The following WDR47 variants were observed in gnomAD, a reference collection of about 807,000 sequenced individuals.
WDR47 encodes WD repeat-containing protein 47.
WDR47 carries 32 observed loss-of-function variants against 97.2 expected under a neutral mutation model. The observed-to-expected ratio is 0.33, with a 90% confidence interval of 0.25 to 0.44. The LOEUF (loss-of-function observed/expected upper bound fraction) is 0.44. Among genes scored for constraint, WDR47 ranks in the 20% least tolerant of loss-of-function variants. The pLI is 1.00. For synonymous variants in WDR47, 375 were observed against 373.5 expected, an observed-to-expected ratio of 1.00 and a Z score of -0.05; for missense variants, 782 against 1,102.3, an observed-to-expected ratio of 0.71 and a Z score of 4.11.
In WDR47 at chr1:109,013,861, C is replaced by T. The variant is rs757349144; in HGVS notation, c.307G>A (p.Ala103Thr). 1.9e-6 allele frequency: 3 copies of T among 1,613,678 alleles called. No homozygotes were observed. The highest frequency in any genetic ancestry group is 2.2e-5 in the South Asian group (2 of 91,050). ...CTTACATGCTGGGGCTCATCTTCTG[C>T]TGACATCGCGTTGTTAACACATAAA... ...EALCVNNAMS[A>T]EDEPQHLEFT... The change falls in exon 4 of 15, where the codon GCA (alanine) becomes ACA (threonine). Residue 103 changes from alanine to threonine, a missense_variant. Ala to Thr is a moderately conservative substitution (Grantham distance 58). Coordinates refer to ENST00000369962, the MANE Select transcript of WDR47 (RefSeq NM_001142551.2).
chr1:108,987,600 T>C (rs1658939560), intron 9 of WDR47, among the ~76,000 whole-genome samples: 1 of 152,128 alleles, frequency 6.6e-6, no homozygotes, highest in Admixed American at 6.5e-5. Context: ...CCTGAGCAAC[T>C]GTGATTACAG....
chr1:109,033,756 T>C (rs1480072762), intron 1 of WDR47, among the ~76,000 whole-genome samples: 1 of 152,104 alleles, frequency 6.6e-6, no homozygotes, highest in Non-Finnish European at 1.5e-5. Context: ...CTGTCTCTAC[T>C]AAAAACACAA....
chr1:109,025,496 G>A (rs1002854966), intron 1 of WDR47, among the ~76,000 whole-genome samples: 3 of 150,382 alleles, frequency 2.0e-5, no homozygotes, highest in African/African-American at 4.9e-5. Context: ...AGCACTTTGG[G>A]AGGCTGAGAC....
chr1:109,019,496 C>A (rs1380336831), intron 2 of WDR47, among the ~76,000 whole-genome samples: 14 of 151,618 alleles, frequency 9.2e-5, no homozygotes, highest in Non-Finnish European at 5.9e-5. Flanking sequence ...ATTTTGCATT[C>A]TGTCAGGACA....
chr1:109,017,606 A>AT lies in WDR47; in HGVS notation c.159-6dup, dbSNP rs750850745. On this transcript the variant is annotated splice_region_variant and splice_polypyrimidine_tract_variant and intron_variant, in intron 2 of 14. Coordinates refer to ENST00000369962, the MANE Select transcript of WDR47 (RefSeq NM_001142551.2). ...TGACCATCAAGTATTAGCTGCCTAA[A>AT]TAAAAAATTTAAAAAAACCAGCATG... 1.2e-5 allele frequency: 20 copies of AT among 1,604,790 alleles called. No homozygotes were observed. The South Asian group carries it at 1.9e-4, about 15-fold the overall frequency.
chr1:108,981,784 G>A lies in WDR47; in HGVS notation c.2347C>T (p.Leu783Phe). The part of the protein sequence containing the change: ...SQDKTVRFWD[L>F]RVPSCVRVVG... ...ACACGAACACAACTTGGTACTCGAA[G>A]ATCCCAAAATCTAACAGTCTTATCT... Residue 783 changes from leucine to phenylalanine, a missense_variant, in exon 13 of 15, where the codon CTT (leucine) becomes TTT (phenylalanine). Physicochemically the swap from Leu to Phe is conservative, Grantham distance 22. Around this residue, in one of 3 missense-constraint regions of WDR47, gnomAD observed 228 missense variants for 396.7 expected, o/e 0.57. Transcript: ENST00000369962. 6.2e-7 allele frequency: 1 copy of A among 1,613,848 alleles called. No homozygotes were observed. The highest frequency in any genetic ancestry group is 8.5e-7 in the Non-Finnish European group (1 of 1,179,902).
At chr1:108,975,990 G>C (rs907882627) in intron 13 of WDR47, among the ~76,000 whole-genome samples, 1 of 152,174 alleles carries the variant, frequency 6.6e-6, no homozygotes, top group Non-Finnish European at 1.5e-5. Flanking sequence ...TTGAAAGGCA[G>C]CTTGAAACTG....
At chr1:109,037,146 A>G (rs1337208452) in intron 1 of WDR47, among the ~76,000 whole-genome samples, 1 of 150,472 alleles carries the variant, frequency 6.6e-6, no homozygotes, top group East Asian at 2.0e-4. Context: ...CCTGACCAAC[A>G]TGGAGAAACC....
At position 108,982,659 on chromosome 1, in the gene WDR47, G is replaced by A. The variant is rs1388413822; in HGVS notation, c.2216C>T (p.Thr739Ile). Residue 739 changes from threonine (T) to isoleucine (I), a missense_variant, in exon 12 of 15, where the codon ACA becomes ATA. By Grantham distance (89) the Thr-to-Ile change is moderately conservative. Transcript: ENST00000369962. ...GCCCTGTCCTCTTTGACAATCGGTT[G>A]TATAAATGTTACAATCCCCTGCTCC... ...SAGAGDCNIY[T>I]TDCQRGQGLH... 1 of 1,613,682 alleles carries A rather than the reference G, an allele frequency of 6.2e-7. No individual in the cohort carries two copies. Among genetic ancestry groups the A allele is most frequent in the Non-Finnish European group, 8.5e-7 (1 of 1,179,924 alleles).
At chr1:109,031,800 T>TC (rs1662622218) in intron 1 of WDR47, among the ~76,000 whole-genome samples, 1 of 125,496 alleles carries the variant, frequency 8.0e-6, no homozygotes, top group African/African-American at 2.8e-5. Context: ...TCTTTCTTTT[T>TC]TTTTTTTTTT....
chr1:109,004,667 G>C lies in WDR47; in HGVS notation c.1179C>G (p.Gly393=), dbSNP rs1310638816. ...GCTCTTTTTCTGAAACTGAACTCTG[G>C]CCCAAGATTTCACTGCCGATAGGCC... is the stretch of plus-strand genomic sequence containing the variant. ...AQRPIGSEIL[G]QSSVSEKEPA... is the part of the protein sequence containing the mutation. Residue 393 remains glycine (G), a synonymous_variant, in exon 6 of 15, where the codon GGC becomes GGG. Coordinates refer to ENST00000369962, the MANE Select transcript of WDR47 (RefSeq NM_001142551.2). The C allele has an allele frequency of 1.2e-6, 2 of 1,613,236 alleles. No individual in the cohort carries two copies. The highest frequency in any genetic ancestry group is 2.7e-5 in the African/African-American group (2 of 74,740).
chr1:109,016,391 G>A (rs1202088655), intron 3 of WDR47, among the ~76,000 whole-genome samples: 1 of 152,036 alleles, frequency 6.6e-6, no homozygotes, highest in Non-Finnish European at 1.5e-5. Flanking sequence ...AACAGAATGA[G>A]ACCCTGTCTC....
intron 1 of WDR47, among the ~76,000 whole-genome samples, chr1:109,033,851 G>A (rs1571262018): frequency 1.3e-5 from 2 of 152,144 alleles, no homozygotes; most frequent in African/African-American, 4.8e-5. Flanking sequence ...CCAGGGAGTC[G>A]GAGGTTGCAG....
chr1:109,012,571 T>TGAGAAAAAAAAAAAAAA (rs1571217614), intron 4 of WDR47, among the ~76,000 whole-genome samples: 1 of 3,230 alleles, frequency 3.1e-4, no homozygotes, highest in Non-Finnish European at 7.6e-4. Context: ...AGACTCCATC[T>TGAGAAAAAAAAAAAAAA]CAAAAAAAAA....
chr1:108,987,157 G>T, intron 9 of WDR47: 1 of 185,698 alleles, frequency 5.4e-6, no homozygotes, highest in Non-Finnish European at 1.3e-5. Flanking sequence ...CTCCTGGATA[G>T]TTTCTAATGG....
At chr1:109,008,982 G>A (rs1384879401) in intron 5 of WDR47, among the ~76,000 whole-genome samples, 1 of 152,104 alleles carries the variant, frequency 6.6e-6, no homozygotes, top group Non-Finnish European at 1.5e-5. Context: ...CTACTCGGGA[G>A]GCTGAGGCAG....
At chr1:108,998,034 A>C (rs765786218) in intron 7 of WDR47, among the ~76,000 whole-genome samples, 8 of 152,218 alleles carry the variant, frequency 5.3e-5, no homozygotes, top group Non-Finnish European at 2.9e-5. Flanking sequence ...AGGAACTGTT[A>C]GCCTTATACT....
intron 4 of WDR47, 62 bp from the exon 5 acceptor site, chr1:109,011,780 A>C: frequency 7.0e-7 from 1 of 1,425,204 alleles, no homozygotes; most frequent in Non-Finnish European, 9.5e-7. Flanking sequence ...AAATATGAAA[A>C]CGACAAGAGT....
intron 1 of WDR47, among the ~76,000 whole-genome samples, chr1:109,028,493 G>A (rs868429867): frequency 1.2e-4 from 18 of 146,970 alleles, no homozygotes; most frequent in Admixed American, 3.5e-4. Flanking sequence ...TTACAGGCAT[G>A]AGCCATCATG....
Sources: allele counts gnomAD v4.1 joint callset (sites outside exome capture counted in the v4.1 genomes callset), GRCh38; gene constraint gnomAD v4.1.1; regional missense constraint gnomAD v4.1.1; transcripts MANE v1.5; gene names NCBI Gene and HGNC (gene_info 2026-07-23, HGNC 2026-07-21).